The following GANAB variants were observed in gnomAD, a reference collection of about 807,000 sequenced individuals.
The protein encoded by GANAB is neutral alpha-glucosidase AB.
Under a neutral mutation model 129.9 loss-of-function variants are expected in GANAB, and 35 were observed. The observed-to-expected ratio is 0.27, with a 90% confidence interval of 0.21 to 0.36. The LOEUF is 0.36. GANAB is among the 10% of genes least tolerant of loss of function. The pLI is 1.00. For missense variants in GANAB, 939 were observed against 1,221.0 expected (o/e 0.77, Z 3.44); for synonymous variants, 482 against 451.8 (o/e 1.07, Z -0.85).
At chr11:62,629,980 G>T in intron 13 of GANAB, 23 bp from the exon 14 acceptor site, 2 of 1,612,370 alleles carry the variant, frequency 1.2e-6, no homozygotes, top group Non-Finnish European at 1.7e-6. Context: ...GCAGAAAATG[G>T]GGACAGAAGG....
At chr11:62,635,774 T>C (rs530046571) in intron 4 of GANAB, among the ~76,000 whole-genome samples, 59 of 151,548 alleles carry the variant, frequency 3.9e-4, no homozygotes, top group African/African-American at 1.2e-3. Flanking sequence ...TACAGGCAGG[T>C]GCCACCACAC....
chr11:62,637,675 A>G (rs1944004145), intron 4 of GANAB, among the ~76,000 whole-genome samples: 1 of 152,224 alleles, frequency 6.6e-6, no homozygotes, highest in African/African-American at 2.4e-5. Flanking sequence ...ACAACATAAT[A>G]ATATGCAGCA....
chr11:62,629,122 C>T (rs1395569453), intron 16 of GANAB, 72 bp downstream of exon 16: 28 of 1,533,002 alleles, frequency 1.8e-5, no homozygotes, highest in Non-Finnish European at 2.3e-5. Flanking sequence ...TTGCTTACAA[C>T]ACCTTGGTCC....
intron 5 of GANAB, chr11:62,634,073 C>T (rs1943821876): frequency 6.2e-6 from 3 of 483,868 alleles, no homozygotes; most frequent in Non-Finnish European, 1.1e-5. Flanking sequence ...TCTCTCCATC[C>T]CCTGGCAAAG....
At position 62,627,317 on chromosome 11, in the gene GANAB, G is replaced by A. The variant is rs750845882; in HGVS notation, c.2217C>T (p.Thr739=). 21 of 1,583,304 alleles carry A rather than the reference G, an allele frequency of 1.3e-5. No homozygotes were observed. In the Middle Eastern group the frequency reaches 6.7e-4, roughly 50 times the overall value. The change falls in exon 18 of 24, where the codon ACC becomes ACT. Residue 739 remains threonine (T), a synonymous_variant. Coordinates refer to ENST00000356638, the MANE Select transcript of GANAB (RefSeq NM_198334.3). ...GCAAGTACTGATCATCTATATTGAA[G>A]GTAGTCACATCCTGAGGGTACTGCA... ...LWVQYPQDVT[T]FNIDDQYLLG...
At chr11:62,628,205 C>CTTTTTTTTTTT (rs58757640) in intron 17 of GANAB, among the ~76,000 whole-genome samples, 8 of 98,410 alleles carry the variant, frequency 8.1e-5, no homozygotes, top group Non-Finnish European at 9.3e-5. Context: ...CTTCTCAAAA[C>CTTTTTTTTTTT]TTTTTTTTTT....
intron 4 of GANAB, among the ~76,000 whole-genome samples, chr11:62,635,975 G>A (rs191892899): frequency 5.7e-4 from 87 of 151,988 alleles, no homozygotes; most frequent in African/African-American, 2.0e-3. Context: ...AGTATCAACT[G>A]CAGAAAGATT....
chr11:62,626,655 G>C lies in GANAB; in HGVS notation c.2427C>G (p.Ile809Met), dbSNP rs1480806193. Reference sequence around the variant, plus strand: ...GCCGCACTCGCATCCATCGAGGCACGATTGTCCCTCCACGCTGGAACACAG... The same window carrying C: ...GCCGCACTCGCATCCATCGAGGCACCATTGTCCCTCCACGCTGGAACACAG... ...SIPVFQRGGT[I>M]VPRWMRVRRS... Residue 809 changes from isoleucine (I) to methionine (M), a missense_variant, in exon 21 of 24, where the codon ATC (isoleucine) becomes ATG (methionine). Physicochemically the swap from Ile to Met is conservative, Grantham distance 10. Transcript: ENST00000356638. The C allele has an allele frequency of 1.2e-6, 2 of 1,608,758 alleles. No individual in the cohort carries two copies. The highest frequency in any genetic ancestry group is 2.2e-5 in the East Asian group (1 of 44,814).
At chr11:62,635,628 T>A (rs996154745) in intron 4 of GANAB, among the ~76,000 whole-genome samples, 3 of 151,582 alleles carry the variant, frequency 2.0e-5, no homozygotes, top group South Asian at 2.1e-4. Flanking sequence ...ATGATGTACT[T>A]CTTTTTTTTT....
chr11:62,627,210 C>A, intron 18 of GANAB, 79 bp downstream of exon 18: 1 of 1,390,728 alleles, frequency 7.2e-7, no homozygotes, highest in Non-Finnish European at 1.0e-6. Flanking sequence ...GCACCACCAG[C>A]TTCACTAGTC....
rs111463281 is a variant in GANAB, at chr11:62,632,504, C to T, written c.996+61G>A. On this transcript the variant is annotated intron_variant, in intron 9 of 23. Coordinates refer to ENST00000356638, the MANE Select transcript of GANAB (RefSeq NM_198334.3). ...CAAATAGCTAATGCCCCTAGTATAC[C>T]TATTTGCCTCAAGGCCTGGAAGCTT... The T allele has an allele frequency of 2.3e-5, 31 of 1,323,260 alleles. 1 individual carries two copies. Among genetic ancestry groups the T allele is most frequent in the African/African-American group, 1.7e-4 (12 of 69,922 alleles). 82.0% of individuals were successfully genotyped at this position (1,323,260 alleles called of 1,614,324 possible).
At position 62,627,134 on chromosome 11, in the gene GANAB, G is replaced by A. The variant is rs1466384012; in HGVS notation, c.2246-10C>T. On this transcript the variant is annotated splice_polypyrimidine_tract_variant and intron_variant, in intron 18 of 23. Coordinates refer to ENST00000356638, the MANE Select transcript of GANAB (RefSeq NM_198334.3). ...ACCAGCAACGCATCCCCTAAAATAT[G>A]CCAGAATCAACTCTGAATAGGGGGA... The A allele has an allele frequency of 6.2e-7, 1 of 1,609,402 alleles. No individual in the cohort carries two copies. Among genetic ancestry groups the A allele is most frequent in the East Asian group, 2.2e-5 (1 of 44,878 alleles).
chr11:62,634,866 G>T lies in GANAB; in HGVS notation c.515C>A (p.Ala172Asp), dbSNP rs1943868931. ...ATGCTCAAACTCCAAGAGTCCTCGG[G>T]CATTGACACTAAGCAAAAGACTTCG... ...EDRSLLLSVN[A>D]RGLLEFEHQR... The change falls in exon 5 of 24, where the codon GCC (alanine) becomes GAC (aspartate). Residue 172 changes from alanine to aspartate, a missense_variant. Physicochemically the swap from Ala to Asp is moderately radical, Grantham distance 126. Around this residue, in one of 5 missense-constraint regions of GANAB, gnomAD observed 321 missense variants for 329.1 expected, o/e 0.98. Coordinates refer to ENST00000356638, the MANE Select transcript of GANAB (RefSeq NM_198334.3). 3.7e-6 allele frequency: 6 copies of T among 1,613,958 alleles called. No homozygotes were observed. In the South Asian group the frequency reaches 6.6e-5, roughly 18 times the overall value.
intron 4 of GANAB, among the ~76,000 whole-genome samples, chr11:62,637,533 G>GA (rs1196108063): frequency 6.6e-6 from 1 of 152,118 alleles, no homozygotes; most frequent in African/African-American, 2.4e-5. Context: ...ACACCAAAGA[G>GA]AAACTCCCAA....
At position 62,639,638 on chromosome 11, in the gene GANAB, A is replaced by C; in HGVS notation, c.132T>G (p.Ser44Arg). 6.2e-7 allele frequency: 1 copy of C among 1,608,814 alleles called. No homozygotes were observed. The highest frequency in any genetic ancestry group is 8.5e-7 in the Non-Finnish European group (1 of 1,175,378). Residue 44 changes from serine to arginine, a missense_variant, in exon 2 of 24, where the codon AGT (serine) becomes AGG (arginine). By Grantham distance (110) the Ser-to-Arg change is moderately radical (BLOSUM62 -1). Coordinates refer to ENST00000356638, the MANE Select transcript of GANAB (RefSeq NM_198334.3). ...CAGAAATATCATACTTGCAGAAAGA[A>C]CTCTCTTCACAGGTCTTAAAGTTGC... Reference protein sequence around the residue: ...DRSNFKTCEESSFCKRQRSIR... With the variant: ...DRSNFKTCEERSFCKRQRSIR...
In GANAB at chr11:62,629,951, C is replaced by T; in HGVS notation, c.1600G>A (p.Ala534Thr). The T allele has an allele frequency of 6.2e-7, 1 of 1,614,080 alleles. No individual in the cohort carries two copies. The highest frequency in any genetic ancestry group is 8.5e-7 in the Non-Finnish European group (1 of 1,179,966). Residue 534 changes from alanine to threonine, a missense_variant, in exon 14 of 24, where the codon GCT becomes ACT. Around this residue, in one of 5 missense-constraint regions of GANAB, gnomAD observed 147 missense variants for 282.4 expected, o/e 0.52. Transcript: ENST00000356638. ...MFSYDNYEGS[A>T]PNLFVWNDMN... is the part of the protein sequence containing the mutation. ...TCATTCCAGACAAAGAGGTTGGGAG[C>T]TGAGCCCTGGGAACGTGGGCAGAAA...
rs986308092 is a variant in GANAB, at chr11:62,627,754, A to C, written c.2181-401T>G. ...TGTCTCAAAAAAAAAAAGAAAAGAA[A>C]AGAACAGCACAGGGGTTAAGACCCA... On this transcript the variant is annotated intron_variant, in intron 17 of 23. Coordinates refer to ENST00000356638, the MANE Select transcript of GANAB (RefSeq NM_198334.3). 5.9e-5 allele frequency among the ~76,000 whole-genome samples: 9 copies of C among 152,220 alleles called. No individual in the cohort carries two copies. The East Asian group carries it at 7.7e-4, about 13-fold the overall frequency.
rs552109916 is a variant in GANAB, at chr11:62,635,491, T to C, written c.381-491A>G. ...CACTGTGCCTGGCCACTTATTACTT[T>C]TTTAAATGTACTAAATACTAAGAGG... On this transcript the variant is annotated intron_variant, in intron 4 of 23. Coordinates refer to ENST00000356638, the MANE Select transcript of GANAB (RefSeq NM_198334.3). 3.1e-4 allele frequency among the ~76,000 whole-genome samples: 47 copies of C among 152,102 alleles called. 1 individual carries two copies. The highest frequency in any genetic ancestry group is 6.8e-3 in the Middle Eastern group (2 of 294).
At chr11:62,642,984 G>A (rs1355885509) in intron 1 of GANAB, among the ~76,000 whole-genome samples, 2 of 152,152 alleles carry the variant, frequency 1.3e-5, no homozygotes, top group African/African-American at 4.8e-5. Flanking sequence ...GCTTTACCAT[G>A]ATGCACAATA....
Sources: gnomAD v4.1 joint callset for allele counts (sites outside exome capture counted in the v4.1 genomes callset) on GRCh38, gnomAD v4.1.1 for gene constraint, gnomAD v4.1.1 regional missense constraint, MANE v1.5 for transcripts, NCBI Gene and HGNC (gene_info 2026-07-23, HGNC 2026-07-21) for gene names.